The following ZNF681 variants were observed in gnomAD, a reference collection of about 807,000 sequenced individuals.
ZNF681 encodes hypothetical protein FLJ31526.
Under a neutral mutation model 56.0 loss-of-function variants are expected in ZNF681, and 37 were observed. That is an observed-to-expected ratio of 0.66 (90% CI 0.51 to 0.87). ZNF681 has a LOEUF of 0.87. Among genes scored for constraint, ZNF681 ranks in the 40% least tolerant of loss-of-function variants. The probability of loss-of-function intolerance (pLI) is 0.00; values close to 1 mark genes in which losing one functional copy is unlikely to be tolerated. For missense variants in ZNF681, 741 were observed against 744.9 expected, an observed-to-expected ratio of 0.99 and a Z score of 0.06; for synonymous variants, 225 against 248.6, an observed-to-expected ratio of 0.91 and a Z score of 0.89.
In ZNF681 at chr19:23,743,518, T is replaced by G; in HGVS notation, c.*94A>C. 1.6e-6 allele frequency: 2 copies of G among 1,222,832 alleles called. No individual in the cohort carries two copies. Among genetic ancestry groups the G allele is most frequent in the Non-Finnish European group, 2.2e-6 (2 of 920,038 alleles). 75.7% of individuals were successfully genotyped at this position (1,222,832 alleles called of 1,614,324 possible). ...AGCATTGGTTAAAAGTTTTGCCACA[T>G]TCTTCACACTTGTAGGTTTTTTTTT... On this transcript the variant is annotated 3_prime_UTR_variant, in exon 4 of 4. Transcript: ENST00000402377.
chr19:23,758,850 G>T lies in ZNF681; in HGVS notation c.-101C>A. ...GGCCTCTAGAAGAAGAGGACACAGA[G>T]CAGTGAAGACGAGACCCGGAGCTCG... On this transcript the variant is annotated 5_prime_UTR_variant, in exon 1 of 4. Transcript: ENST00000402377. 2 of 1,545,576 alleles carry T rather than the reference G, an allele frequency of 1.3e-6. No individual in the cohort carries two copies. The highest frequency in any genetic ancestry group is 1.8e-6 in the Non-Finnish European group (2 of 1,128,436).
At chr19:23,756,627 C>T (rs999651125) in intron 1 of ZNF681, among the ~76,000 whole-genome samples, 16 of 151,996 alleles carry the variant, frequency 1.1e-4, no homozygotes, top group Non-Finnish European at 2.1e-4. Flanking sequence ...AAACCATACA[C>T]ACCAGGGCCA....
rs146686240 is a variant in ZNF681, at chr19:23,740,871, C to T, written c.*2741G>A. 1.3e-5 allele frequency: 2 copies of T among 151,890 alleles called. No individual in the cohort carries two copies. Among genetic ancestry groups the T allele is most frequent in the African/African-American group, 4.8e-5 (2 of 41,444 alleles). 9.4% of individuals were successfully genotyped at this position (151,890 alleles called of 1,614,324 possible). On this transcript the variant is annotated 3_prime_UTR_variant, in exon 4 of 4. Transcript: ENST00000402377. ...AAAAATTATTTTTATAATCTCTGAC[C>T]AGCTCACATAGCATCTTATATAAAA...
Position 23,744,979 on chromosome 19 carries a change from T to C in ZNF681, c.571A>G (p.Ile191Val). The C allele has an allele frequency of 6.2e-7, 1 of 1,600,234 alleles. No individual in the cohort carries two copies. Among genetic ancestry groups the C allele is most frequent in the Admixed American group, 1.7e-5 (1 of 57,520 alleles). The stretch of plus-strand genomic sequence containing the variant: ...TTGTAGAAATTTACTCTAGTACAAA[T>C]TATTTTATGTTGAGTTAGGTTTGAA... ...IFSNLTQHKIICTRVNFYKCE... is the reference protein window; with the variant it reads ...IFSNLTQHKIVCTRVNFYKCE... The change falls in exon 4 of 4, where the codon ATT becomes GTT. Residue 191 changes from isoleucine to valine, a missense_variant. Physicochemically the swap from Ile to Val is conservative, Grantham distance 29. Transcript: ENST00000402377.
intron 1 of ZNF681, 47 bp from the exon 2 acceptor site, chr19:23,755,598 C>G: frequency 1.6e-6 from 1 of 613,018 alleles, no homozygotes; most frequent in South Asian, 2.8e-5. Flanking sequence ...CACACACACA[C>G]ATACACATTT....
intron 3 of ZNF681, among the ~76,000 whole-genome samples, chr19:23,746,795 G>A (rs889956512): frequency 6.6e-6 from 1 of 152,214 alleles, no homozygotes; most frequent in Admixed American, 6.5e-5. Context: ...TGCACCTGGT[G>A]TATTCTGTTA....
At chr19:23,751,983 G>A (rs1041162087) in intron 3 of ZNF681, among the ~76,000 whole-genome samples, 1 of 152,120 alleles carries the variant, frequency 6.6e-6, no homozygotes, top group African/African-American at 2.4e-5. Context: ...CACTGCGCCC[G>A]GCCTGAGGTT....
At position 23,743,649 on chromosome 19, in the gene ZNF681, G is replaced by T. The variant is rs1968897121; in HGVS notation, c.1901C>A (p.Ser634Tyr). The part of the protein sequence containing the change: ...NSDFENTSKF[S>Y]KHKRNYAGEK... ...ACCAGCATAATTTCTTTTATGTTTA[G>T]AAAACTTTGAAGTGTTTTCAAAATC... The change falls in exon 4 of 4, where the codon TCT becomes TAT. Residue 634 changes from serine to tyrosine, a missense_variant. Ser to Tyr is a moderately radical substitution (Grantham distance 144, BLOSUM62 -2). Coordinates refer to ENST00000402377, the MANE Select transcript of ZNF681 (RefSeq NM_138286.3). 1 of 1,533,266 alleles carries T rather than the reference G, an allele frequency of 6.5e-7. No homozygotes were observed. 95.0% of individuals were successfully genotyped at this position (1,533,266 alleles called of 1,614,324 possible).
At position 23,744,430 on chromosome 19, in the gene ZNF681, CT is replaced by C; in HGVS notation, c.1119del (p.Ala374ProfsTer13). 6.3e-7 allele frequency: 1 copy of C among 1,578,592 alleles called. No individual in the cohort carries two copies. Among genetic ancestry groups the C allele is most frequent in the East Asian group, 2.3e-5 (1 of 42,612 alleles). ...EKPYRCEECG[K>X]AFRQSSHLTT... ...GTAAGGTGTGAGGACTGCCTAAAGG[CT>C]TTGCCACATTCTTCACATCTGTAGG... On this transcript the variant is annotated frameshift_variant, in exon 4 of 4. Coordinates refer to ENST00000402377, the MANE Select transcript of ZNF681 (RefSeq NM_138286.3). LOFTEE classifies it high-confidence loss of function.
chr19:23,743,445 T>C lies in ZNF681; in HGVS notation c.*167A>G, dbSNP rs940545968. ...TAATGGCTTTTTCACATTCTGTATA[T>C]TTGAAATTTTTTTCTAGTACAAATG... is the stretch of plus-strand genomic sequence containing the variant. On this transcript the variant is annotated 3_prime_UTR_variant, in exon 4 of 4. Coordinates refer to ENST00000402377, the MANE Select transcript of ZNF681 (RefSeq NM_138286.3). 8 of 542,780 alleles carry C rather than the reference T, an allele frequency of 1.5e-5. No homozygotes were observed. The highest frequency in any genetic ancestry group is 3.8e-5 in the Admixed American group (1 of 26,524). 33.6% of individuals were successfully genotyped at this position (542,780 alleles called of 1,614,324 possible).
Position 23,754,906 on chromosome 19 carries a change from G to T in ZNF681, c.143C>A (p.Ser48Tyr). The change falls in exon 3 of 4, where the codon TCT (serine) becomes TAT (tyrosine). Residue 48 changes from serine (S) to tyrosine (Y), a missense_variant. By Grantham distance (144) the Ser-to-Tyr change is moderately radical. Coordinates refer to ENST00000402377, the MANE Select transcript of ZNF681 (RefSeq NM_138286.3). ...RNLVFLGIVV[S>Y]KPDLITCLEQ... ...CAGACAGGTGATCAGGTCTGGCTTA[G>T]AGACAACAATACCTGTTTTATTGAA... is the stretch of plus-strand genomic sequence containing the variant. 1 of 1,613,152 alleles carries T rather than the reference G, an allele frequency of 6.2e-7. No homozygotes were observed. The highest frequency in any genetic ancestry group is 8.5e-7 in the Non-Finnish European group (1 of 1,179,730).
In ZNF681 at chr19:23,755,538, A is replaced by C. The variant is rs1969100777; in HGVS notation, c.17T>G (p.Phe6Cys). 3 of 1,574,110 alleles carry C rather than the reference A, an allele frequency of 1.9e-6. No homozygotes were observed. The highest frequency in any genetic ancestry group is 3.5e-5 in the Admixed American group (2 of 57,728). ...AGAGAATTCTATGGCCACATCCCTA[A>C]ATTTCAATGGTTCCTGAAAAACACA... MEPLK[F>C]RDVAIEFSLE... is the part of the protein sequence containing the mutation. Residue 6 changes from phenylalanine (F) to cysteine (C), a missense_variant, in exon 2 of 4, where the codon TTT becomes TGT. Phe to Cys is a radical substitution (Grantham distance 205, BLOSUM62 -2). Transcript: ENST00000402377.
In ZNF681 at chr19:23,740,496, A is replaced by G. The variant is rs1968863092; in HGVS notation, c.*3116T>C. ...TAAAAAATCAATGTTATTTCTCACA[A>G]TTGATATGTTCCATCTCTGTCTTGA... On this transcript the variant is annotated 3_prime_UTR_variant, in exon 4 of 4. Coordinates refer to ENST00000402377, the MANE Select transcript of ZNF681 (RefSeq NM_138286.3). 6.6e-6 allele frequency: 1 copy of G among 152,188 alleles called. No individual in the cohort carries two copies. Among genetic ancestry groups the G allele is most frequent in the Non-Finnish European group, 1.5e-5 (1 of 68,022 alleles). The allele number at this position is 152,188 out of a possible 1,614,324, so 9.4% of individuals were successfully genotyped here.
intron 3 of ZNF681, among the ~76,000 whole-genome samples, chr19:23,746,013 A>G (rs1236650099): frequency 6.6e-6 from 1 of 151,996 alleles, no homozygotes; most frequent in South Asian, 2.1e-4. Context: ...AGAGTGGATA[A>G]TTTATAAAGA....
rs200272849 is a variant in ZNF681 at position 23,754,891 on chromosome 19, A to G, written c.158T>C (p.Ile53Thr). ...LGIVVSKPDL[I>T]TCLEQEKEPW... ...CTCTTTTTCTTGTTCCAGACAGGTGATCAGGTCTGGCTTAGAGACAACAAT... is the reference window on the plus strand; with the variant it reads ...CTCTTTTTCTTGTTCCAGACAGGTGGTCAGGTCTGGCTTAGAGACAACAAT... Residue 53 changes from isoleucine (I) to threonine (T), a missense_variant, in exon 3 of 4, where the codon ATC becomes ACC. By Grantham distance (89) the Ile-to-Thr change is moderately conservative. Transcript: ENST00000402377. 3.9e-4 allele frequency: 627 copies of G among 1,613,892 alleles called. No homozygotes were observed. The highest frequency in any genetic ancestry group is 4.8e-4 in the Non-Finnish European group (566 of 1,179,992).
intron 2 of ZNF681, 111 bp downstream of exon 2, chr19:23,755,312 CAG>C: frequency 7.5e-7 from 1 of 1,328,656 alleles, no homozygotes; most frequent in African/African-American, 1.5e-5. Context: ...TTTATAAAAA[CAG>C]GGATCTGAAA....
At chr19:23,755,621 TGGAA>T (rs981068441) in intron 1 of ZNF681, 70 bp from the exon 2 acceptor site, 131 of 1,370,792 alleles carry the variant, frequency 9.6e-5, no homozygotes, top group Middle Eastern at 1.9e-4. Flanking sequence ...AAAGTGGCCA[TGGAA>T]AGAATTTATA....
Position 23,745,318 on chromosome 19 carries a change from A to G in ZNF681, c.232T>C (p.Cys78Arg). 6.5e-7 allele frequency: 1 copy of G among 1,532,698 alleles called. No homozygotes were observed. The highest frequency in any genetic ancestry group is 1.4e-5 in the African/African-American group (1 of 71,836). The allele number at this position is 1,532,698 out of a possible 1,614,324, so 94.9% of individuals were successfully genotyped here. A position where few individuals can be genotyped will look rare whatever the true frequency, so the allele number is the denominator to read the frequency against. ...HRMVAEPPVI[C>R]SHFAQDFSPE... ...GAAAAGTCTTGGGCAAAATGAGAAC[A>G]AATAACTGAAAGAAATAAAAATAAC... Residue 78 changes from cysteine to arginine, a missense_variant, in exon 4 of 4, where the codon TGT becomes CGT. Physicochemically the swap from Cys to Arg is radical, Grantham distance 180 (BLOSUM62 -3). Transcript: ENST00000402377.
intron 3 of ZNF681, among the ~76,000 whole-genome samples, chr19:23,751,474 C>CAAAAAAAAAAA (rs71165893): frequency 8.1e-6 from 1 of 123,032 alleles, no homozygotes; most frequent in African/African-American, 3.1e-5. Flanking sequence ...GACTCCGTCT[C>CAAAAAAAAAAA]AAAAAAAAAA....
Sources: allele counts gnomAD v4.1 joint callset (sites outside exome capture counted in the v4.1 genomes callset), GRCh38; gene constraint gnomAD v4.1.1; transcripts MANE v1.5; gene names NCBI Gene and HGNC (gene_info 2026-07-23, HGNC 2026-07-21).